WDR91: variants seen among roughly 807,000 people sequenced by gnomAD.
WDR91 encodes the protein WD repeat domain 91.
In WDR91, 52 loss-of-function variants were observed where a neutral mutation model predicts 88.4. The ratio of observed to expected loss-of-function variants is 0.59; its 90% CI spans 0.47 to 0.74. The LOEUF (loss-of-function observed/expected upper bound fraction) is 0.74, where lower values mean the gene tolerates loss of function less well. WDR91 is among the 30% of genes least tolerant of loss of function. The pLI, the probability that WDR91 is intolerant of heterozygous loss-of-function variation, is 0.00. For synonymous variants in WDR91, 362 were observed against 389.5 expected (o/e 0.93, Z 0.83); for missense variants, 824 against 954.5 (o/e 0.86, Z 1.80).
chr7:135,197,982 C>A lies in WDR91; in HGVS notation c.1050+11G>T. ...TGAGTGTCCCCAGGGGTGTTCAGGA[C>A]AACCCCATACCTGGGAAGTGGTTGT... On this transcript the variant is annotated intron_variant, in intron 7 of 14. Coordinates refer to ENST00000354475, the MANE Select transcript of WDR91 (RefSeq NM_014149.4). The A allele has an allele frequency of 1.9e-6, 3 of 1,613,032 alleles. No homozygotes were observed. Among genetic ancestry groups the A allele is most frequent in the Non-Finnish European group, 2.5e-6 (3 of 1,179,188 alleles).
rs1157902611 is a variant in WDR91 at position 135,184,061 on chromosome 7, T to C, written c.*2090A>G. ...ATGAAACCCATGACCACTTTTTAAA[T>C]GTCCTACAGAATCACTGGGTGAGAT... On this transcript the variant is annotated 3_prime_UTR_variant, in exon 15 of 15. Transcript: ENST00000354475. 1 of 152,196 alleles carries C rather than the reference T, an allele frequency of 6.6e-6. No individual in the cohort carries two copies. The highest frequency in any genetic ancestry group is 1.5e-5 in the Non-Finnish European group (1 of 68,040). 9.4% of individuals were successfully genotyped at this position (152,196 alleles called of 1,614,324 possible).
At chr7:135,189,307 AAGG>A (rs1238400277) in intron 12 of WDR91, 34 bp downstream of exon 12, 1 of 1,578,026 alleles carries the variant, frequency 6.3e-7, no homozygotes, top group Non-Finnish European at 8.6e-7. Flanking sequence ...TGGGAAATCT[AAGG>A]AGATCAAGGA....
At chr7:135,202,461 G>C (rs1238783942) in intron 6 of WDR91, 1 of 152,146 alleles carries the variant, frequency 6.6e-6, no homozygotes, top group African/African-American at 2.4e-5. Context: ...CCAAATCTTT[G>C]TTCCATTATA....
chr7:135,197,484 C>G (rs544609155), intron 7 of WDR91: 2 of 152,556 alleles, frequency 1.3e-5, no homozygotes, highest in African/African-American at 4.8e-5. Context: ...GTCCCCAGAG[C>G]CCAGGGCTCA....
At chr7:135,189,305 C>A in intron 12 of WDR91, 39 bp downstream of exon 12, 1 of 1,578,036 alleles carries the variant, frequency 6.3e-7, no homozygotes, top group Non-Finnish European at 8.6e-7. Context: ...CCTGGGAAAT[C>A]TAAGGAGATC....
chr7:135,199,191 T>G (rs903615067), intron 6 of WDR91: 1 of 152,216 alleles, frequency 6.6e-6, no homozygotes, highest in Non-Finnish European at 1.5e-5. Context: ...ATGGATTCCT[T>G]GGAATCCTGC....
chr7:135,190,338 C>G (rs550217488), intron 11 of WDR91, among the ~76,000 whole-genome samples: 1 of 152,132 alleles, frequency 6.6e-6, no homozygotes, highest in South Asian at 2.1e-4. Flanking sequence ...GAAAACTTAC[C>G]TCCCTGCAAA....
At chr7:135,207,239 G>A (rs377122170) in intron 3 of WDR91, 37 bp from the exon 4 acceptor site, 2 of 1,562,920 alleles carry the variant, frequency 1.3e-6, no homozygotes, top group East Asian at 2.3e-5. Context: ...CCCCTGAAAT[G>A]TTTAAACGTC....
rs1443804368 is a variant in WDR91, at chr7:135,211,397, T to C, written c.106A>G (p.Lys36Glu). 11 of 1,611,104 alleles carry C rather than the reference T, an allele frequency of 6.8e-6. No homozygotes were observed. Among genetic ancestry groups the C allele is most frequent in the African/African-American group, 1.3e-5 (1 of 74,558 alleles). ...RQLDAEIKAD[K>E]EKGFRVDKIV... The stretch of plus-strand genomic sequence containing the variant: ...CCTCTCACCCGGAACCCCTTCTCCT[T>C]GTCCGCCTTGATCTCGGCGTCCAGC... Residue 36 changes from lysine to glutamate, a missense_variant, in exon 1 of 15, where the codon AAG (lysine) becomes GAG (glutamate). Physicochemically the swap from Lys to Glu is moderately conservative, Grantham distance 56. Transcript: ENST00000354475.
At position 135,199,804 on chromosome 7, in the gene WDR91, T is replaced by G. The variant is rs1831505026; in HGVS notation, c.892-1653A>C. The G allele has an allele frequency of 1.4e-5, 2 of 142,242 alleles. 1 individual carries two copies. The highest frequency in any genetic ancestry group is 4.8e-4 in the South Asian group (2 of 4,146). The allele number at this position is 142,242 out of a possible 1,614,324, so 8.8% of individuals were successfully genotyped here. A position where few individuals can be genotyped will look rare whatever the true frequency, so the allele number is the denominator to read the frequency against. On this transcript the variant is annotated intron_variant, in intron 6 of 14. Transcript: ENST00000354475. Reference sequence around the variant, plus strand: ...CCACTGGATAATGGTGTCTTTTCCTTTTTCAGCAACAGTAAAGAGTGCTCA... The same window carrying G: ...CCACTGGATAATGGTGTCTTTTCCTGTTTCAGCAACAGTAAAGAGTGCTCA...
chr7:135,209,030 A>G (rs200784549), intron 2 of WDR91, 32 bp from the exon 3 acceptor site: 6 of 1,595,596 alleles, frequency 3.8e-6, no homozygotes, highest in Non-Finnish European at 5.1e-6. Flanking sequence ...GCAAGGAGGG[A>G]GGAGAGACAG....
chr7:135,204,306 G>T lies in WDR91; in HGVS notation c.853C>A (p.Pro285Thr). Residue 285 changes from proline to threonine, a missense_variant, in exon 6 of 15, where the codon CCT becomes ACT. Transcript: ENST00000354475. ...GACTCTTTCTTGGCCGAGCTCTGAG[G>T]TTGAGGAGGGCCCTGAGCAGGCGAC... ...RLSPAQGPPQPQSSAKKESFG... is the reference protein window; with the variant it reads ...RLSPAQGPPQTQSSAKKESFG... The T allele has an allele frequency of 6.2e-7, 1 of 1,614,162 alleles. No homozygotes were observed. Among genetic ancestry groups the T allele is most frequent in the Non-Finnish European group, 8.5e-7 (1 of 1,180,042 alleles).
intron 11 of WDR91, among the ~76,000 whole-genome samples, chr7:135,191,312 T>C (rs1831155064): frequency 6.6e-6 from 1 of 152,202 alleles, no homozygotes; most frequent in Admixed American, 6.5e-5. Context: ...AAGTAATTTT[T>C]TAAATGTAAG....
intron 6 of WDR91, chr7:135,202,282 G>A (rs1176170495): frequency 6.6e-6 from 1 of 152,172 alleles, no homozygotes; most frequent in African/African-American, 2.4e-5. Context: ...TGATTTTCTT[G>A]AACCTCAAAT....
At chr7:135,203,249 G>A (rs1831636696) in intron 6 of WDR91, among the ~76,000 whole-genome samples, 1 of 152,192 alleles carries the variant, frequency 6.6e-6, no homozygotes, top group Non-Finnish European at 1.5e-5. Context: ...TCCAGTGGCA[G>A]CCTGAGGCAG....
chr7:135,190,229 C>T (rs955613331), intron 11 of WDR91, among the ~76,000 whole-genome samples: 4 of 151,948 alleles, frequency 2.6e-5, no homozygotes, highest in South Asian at 2.1e-4. Flanking sequence ...CAAGGTCAGG[C>T]GATAAGAAAC....
At chr7:135,191,676 AAAGACC>A (rs1171815922) in intron 11 of WDR91, among the ~76,000 whole-genome samples, 1 of 152,040 alleles carries the variant, frequency 6.6e-6, no homozygotes, top group Non-Finnish European at 1.5e-5. Context: ...TGGAAGGGAA[AAAGACC>A]AAGACTGGGA....
Position 135,211,332 on chromosome 7 carries a change from G to A in WDR91, c.123+48C>T. 2.5e-6 allele frequency: 4 copies of A among 1,574,688 alleles called. No individual in the cohort carries two copies. The South Asian group carries it at 3.4e-5, about 14-fold the overall frequency. On this transcript the variant is annotated intron_variant, in intron 1 of 14. Transcript: ENST00000354475. The stretch of plus-strand genomic sequence containing the variant: ...AGTGCTGGGGGGAAGCCCGCTCCCC[G>A]GCTCCCTCGGGCCGCCTCTGCCCGC...
intron 8 of WDR91, among the ~76,000 whole-genome samples, chr7:135,195,452 C>T (rs577248441): frequency 3.3e-5 from 5 of 152,242 alleles, no homozygotes; most frequent in Non-Finnish European, 5.9e-5. Context: ...AACGAGAAAC[C>T]CATCTACAGC....
Sources: gnomAD v4.1 joint callset for allele counts (sites outside exome capture counted in the v4.1 genomes callset) on GRCh38, gnomAD v4.1.1 for gene constraint, MANE v1.5 for transcripts, NCBI Gene and HGNC (gene_info 2026-07-23, HGNC 2026-07-21) for gene names.